The following DOCK3 variants were observed in gnomAD, a reference collection of about 807,000 sequenced individuals.
The protein encoded by DOCK3 is dedicator of cytokinesis 3, also known as dedicator of cytokinesis protein 3.
In DOCK3, 60 loss-of-function variants were observed where a neutral mutation model predicts 265.6. That is an observed-to-expected ratio of 0.23 (90% CI 0.18 to 0.28). The LOEUF is 0.28. Among genes scored for constraint, DOCK3 ranks in the 10% least tolerant of loss-of-function variants. DOCK3 has a pLI of 1.00. For synonymous variants in DOCK3, 881 were observed against 938.0 expected, an observed-to-expected ratio of 0.94 and a Z score of 1.11; for missense variants, 1,981 against 2,594.3, an observed-to-expected ratio of 0.76 and a Z score of 5.14.
chr3:51,312,750 C>T, intron 30 of DOCK3, 94 bp from the exon 31 acceptor site: 2 of 1,378,836 alleles, frequency 1.5e-6, no homozygotes, highest in Non-Finnish European at 2.0e-6. Context: ...GCATTAGAAA[C>T]AAACAGTGCT....
chr3:50,772,452 T>C (rs1237798669), intron 1 of DOCK3, among the ~76,000 whole-genome samples: 1 of 152,198 alleles, frequency 6.6e-6, no homozygotes, highest in Non-Finnish European at 1.5e-5. Flanking sequence ...AAGAGTGTAA[T>C]TGGTTTGTAA....
At chr3:51,225,441 T>C (rs1213434288) in intron 14 of DOCK3, among the ~76,000 whole-genome samples, 1 of 152,146 alleles carries the variant, frequency 6.6e-6, no homozygotes, top group African/African-American at 2.4e-5. Flanking sequence ...TGAACATCTT[T>C]AGAATTCAGA....
intron 1 of DOCK3, among the ~76,000 whole-genome samples, chr3:50,724,014 C>G (rs1262850227): frequency 1.3e-5 from 2 of 151,844 alleles, no homozygotes; most frequent in Non-Finnish European, 2.9e-5. Context: ...AAAAACAACC[C>G]CATCAAAAAA....
At chr3:50,828,007 G>A (rs1422509535) in intron 2 of DOCK3, among the ~76,000 whole-genome samples, 3 of 150,346 alleles carry the variant, frequency 2.0e-5, no homozygotes, top group Non-Finnish European at 4.4e-5. Context: ...GTGCAGTGGT[G>A]CGATCTCGGC....
At chr3:51,119,465 G>T (rs189006111) in intron 9 of DOCK3, among the ~76,000 whole-genome samples, 3 of 152,206 alleles carry the variant, frequency 2.0e-5, no homozygotes, top group Admixed American at 2.0e-4. Context: ...TTCTCAAATA[G>T]TATCTTTGTG....
rs577450726 is a variant in DOCK3, at chr3:50,781,856, G to A, written c.121+3098G>A. On this transcript the variant is annotated intron_variant, in intron 2 of 52. Transcript: ENST00000266037. ...CATGTATTCTCATCTTTTAGTTCCC[G>A]GTTGTAAGTGAGAATATGTGGTATT... 1.1e-4 allele frequency among the ~76,000 whole-genome samples: 17 copies of A among 152,100 alleles called. 1 individual carries two copies. Among genetic ancestry groups the A allele is most frequent in the East Asian group, 3.9e-4 (2 of 5,164 alleles).
chr3:50,849,372 G>A (rs760554833), intron 3 of DOCK3, among the ~76,000 whole-genome samples: 46 of 148,914 alleles, frequency 3.1e-4, no homozygotes, highest in Middle Eastern at 7.4e-3. Context: ...ACATACACAC[G>A]CACACATACA....
chr3:51,234,337 C>T (rs1044676635), intron 19 of DOCK3, among the ~76,000 whole-genome samples: 3 of 151,948 alleles, frequency 2.0e-5, no homozygotes, highest in Non-Finnish European at 2.9e-5. Flanking sequence ...TTTTTGATTG[C>T]GTTGTTTTCT....
chr3:50,797,068 G>A (rs934075556), intron 2 of DOCK3, among the ~76,000 whole-genome samples: 8 of 152,206 alleles, frequency 5.3e-5, no homozygotes, highest in Admixed American at 3.3e-4. Flanking sequence ...ATGTTTGTTT[G>A]CATGTGCTGC....
chr3:51,151,437 C>T (rs1246446929), intron 10 of DOCK3, among the ~76,000 whole-genome samples: 1 of 152,158 alleles, frequency 6.6e-6, no homozygotes, highest in Admixed American at 6.5e-5. Context: ...ATCTGTAGGT[C>T]ACCAGCATCA....
chr3:51,153,349 A>G (rs1169545129), intron 10 of DOCK3, among the ~76,000 whole-genome samples: 1 of 152,160 alleles, frequency 6.6e-6, no homozygotes, highest in Non-Finnish European at 1.5e-5. Context: ...GCCATTTGCT[A>G]AGACCGTTGT....
rs58789161 is a variant in DOCK3, at chr3:50,754,986, A to G, written c.38-23689A>G. Among the ~76,000 whole-genome samples the G allele has an allele frequency of 7.7e-3, 1,158 of 150,072 alleles. 18 individuals carry two copies. The highest frequency in any genetic ancestry group is 0.027 in the African/African-American group (1,114 of 41,162). On this transcript the variant is annotated intron_variant, in intron 1 of 52. Transcript: ENST00000266037. ...TATAAGTATTTTTTAAGTTTCATTC[A>G]TTAAAAATATCAAAATTGCAGCAAA...
At chr3:51,058,902 CATAT>C (rs1006732254) in intron 5 of DOCK3, among the ~76,000 whole-genome samples, 12 of 151,868 alleles carry the variant, frequency 7.9e-5, no homozygotes, top group African/African-American at 2.7e-4. Context: ...AAAATAATTA[CATAT>C]ATATGTATGT....
At chr3:51,126,741 GTTAA>G (rs1253275305) in intron 9 of DOCK3, among the ~76,000 whole-genome samples, 1 of 152,114 alleles carries the variant, frequency 6.6e-6, no homozygotes, top group Non-Finnish European at 1.5e-5. Flanking sequence ...CTACCATTTA[GTTAA>G]TTTTCATAAG....
chr3:51,218,074 C>T (rs1214623820), intron 14 of DOCK3, among the ~76,000 whole-genome samples: 3 of 151,056 alleles, frequency 2.0e-5, no homozygotes, highest in African/African-American at 4.9e-5. Context: ...GCCAAGATGG[C>T]GCCACTGCAC....
At chr3:50,709,002 C>T (rs546641181) in intron 1 of DOCK3, among the ~76,000 whole-genome samples, 8 of 152,136 alleles carry the variant, frequency 5.3e-5, no homozygotes, top group Non-Finnish European at 8.8e-5. Context: ...TCGTTTTATT[C>T]GAGTAAAGCA....
chr3:51,231,939 T>G (rs1362578970), intron 19 of DOCK3, among the ~76,000 whole-genome samples: 1 of 152,174 alleles, frequency 6.6e-6, no homozygotes, highest in East Asian at 1.9e-4. Flanking sequence ...TTGTTCATAG[T>G]GAAAGTAGGG....
chr3:50,903,398 G>C (rs964246963), intron 4 of DOCK3, among the ~76,000 whole-genome samples: 5 of 152,056 alleles, frequency 3.3e-5, no homozygotes, highest in African/African-American at 9.7e-5. Flanking sequence ...TTTATTGAAG[G>C]CCTTTTCTGC....
At chr3:51,109,622 TAAGAA>T (rs1174416035) in intron 9 of DOCK3, among the ~76,000 whole-genome samples, 5 of 151,940 alleles carry the variant, frequency 3.3e-5, no homozygotes, top group South Asian at 2.1e-4. Context: ...GCTAGACTAA[TAAGAA>T]AAGAGAGAAG....
Sources: gnomAD v4.1 joint callset for allele counts (sites outside exome capture counted in the v4.1 genomes callset) on GRCh38, gnomAD v4.1.1 for gene constraint, MANE v1.5 for transcripts, NCBI Gene and HGNC (gene_info 2026-07-23, HGNC 2026-07-21) for gene names.